CRB1: variants seen among roughly 807,000 people sequenced by gnomAD.
The protein encoded by CRB1 is protein crumbs homolog 1.
CRB1 carries 83 observed loss-of-function variants against 120.0 expected under a neutral mutation model. That is an observed-to-expected ratio of 0.69 (90% confidence interval 0.58 to 0.83). CRB1 has a LOEUF of 0.83. Among genes scored for constraint, CRB1 ranks in the 40% least tolerant of loss-of-function variants. The pLI, the probability that CRB1 is intolerant of heterozygous loss-of-function variation, is 0.00. For synonymous variants in CRB1, 625 were observed against 612.5 expected, an observed-to-expected ratio of 1.02 and a Z score of -0.30; for missense variants, 1,699 against 1,687.6, an observed-to-expected ratio of 1.01 and a Z score of -0.12.
the CRB1 span, among the ~76,000 whole-genome samples, chr1:197,248,691 A>C: frequency 6.6e-6 from 1 of 152,122 alleles, no homozygotes; most frequent in African/African-American, 2.4e-5. Flanking sequence ...AATTGTGTAC[A>C]GTTAGCATTG....
chr1:197,339,634 T>A (rs1023042292), intron 2 of CRB1, among the ~76,000 whole-genome samples: 3 of 152,156 alleles, frequency 2.0e-5, no homozygotes, highest in African/African-American at 7.2e-5. Context: ...CCCTGCCCAC[T>A]GTAAAGAATG....
intron 1 of CRB1, among the ~76,000 whole-genome samples, chr1:197,305,444 T>C (rs1202991978): frequency 1.3e-5 from 2 of 152,058 alleles, no homozygotes; most frequent in Admixed American, 6.6e-5. Flanking sequence ...ATACAATGAA[T>C]TAGAATGTCT....
chr1:197,331,336 G>A (rs777313317), intron 2 of CRB1, among the ~76,000 whole-genome samples: 4 of 152,018 alleles, frequency 2.6e-5, no homozygotes, highest in Non-Finnish European at 5.9e-5. Context: ...TTCACTTTTT[G>A]TATTATTTTA....
intron 5 of CRB1, 55 bp downstream of exon 5, chr1:197,357,068 A>G (rs765042784): frequency 1.9e-5 from 29 of 1,562,858 alleles, no homozygotes; most frequent in African/African-American, 2.7e-5. Flanking sequence ...ATGGCAGACC[A>G]TGGCTTTAAC....
intron 1 of CRB1, among the ~76,000 whole-genome samples, chr1:197,292,885 A>G (rs1006562279): frequency 6.6e-6 from 1 of 152,188 alleles, no homozygotes; most frequent in Non-Finnish European, 1.5e-5. Context: ...AAAACTCTCA[A>G]TAAACTAGGT....
chr1:197,243,601 T>C, the CRB1 span, among the ~76,000 whole-genome samples: 3 of 152,300 alleles, frequency 2.0e-5, no homozygotes, highest in Admixed American at 2.0e-4. Context: ...AATTATCTCG[T>C]CAATTTTAGA....
chr1:197,372,320 G>A (rs1286355667), intron 5 of CRB1, among the ~76,000 whole-genome samples: 3 of 152,094 alleles, frequency 2.0e-5, no homozygotes, highest in Non-Finnish European at 4.4e-5. Flanking sequence ...CCACGTAAGG[G>A]AGCTTAGATT....
At position 197,434,639 on chromosome 1, in the gene CRB1, A is replaced by T. The variant is rs552905479; in HGVS notation, c.2843-67A>T. ...TATTAACACAATGATCATTACTATT[A>T]ATAACGGTAATTAAGCAAACTATAG... On this transcript the variant is annotated intron_variant, in intron 8 of 11. Coordinates refer to ENST00000367400, the MANE Select transcript of CRB1 (RefSeq NM_201253.3). 3.2e-5 allele frequency: 43 copies of T among 1,331,030 alleles called. No individual in the cohort carries two copies. The East Asian group carries it at 9.1e-4, about 28-fold the overall frequency. The allele number at this position is 1,331,030 out of a possible 1,614,324, so 82.5% of individuals were successfully genotyped here.
chr1:197,434,740 T>G lies in CRB1; in HGVS notation c.2877T>G (p.Gly959=). The change falls in exon 9 of 12, where the codon GGT becomes GGG. Residue 959 remains glycine, a synonymous_variant. Coordinates refer to ENST00000367400, the MANE Select transcript of CRB1 (RefSeq NM_201253.3). ...IANAVFNGQS[G]QILFRSNGNI... ...ATGCTGTTTTTAATGGACAAAGCGG[T>G]CAAATATTATTCAGAAGCAATGGGA... 1 of 1,613,546 alleles carries G rather than the reference T, an allele frequency of 6.2e-7. No homozygotes were observed. Among genetic ancestry groups the G allele is most frequent in the Non-Finnish European group, 8.5e-7 (1 of 1,179,624 alleles).
At chr1:197,265,046 C>CTT (rs1654601951), upstream of CRB1, among the ~76,000 whole-genome samples, 1 of 152,114 alleles carries the variant, frequency 6.6e-6, no homozygotes, top group African/African-American at 2.4e-5. Context: ...TATCATGAAT[C>CTT]TTTTGAGTGT....
At chr1:197,443,249 G>T (rs935195167) in intron 11 of CRB1, 1 of 151,448 alleles carries the variant, frequency 6.6e-6, no homozygotes, top group Non-Finnish European at 1.5e-5. Context: ...TATATAAAGA[G>T]AAATCAGGAA....
chr1:197,225,806 C>A, the CRB1 span, among the ~76,000 whole-genome samples: 959 of 152,368 alleles, frequency 6.3e-3, 14 homozygotes, highest in African/African-American at 0.022. Context: ...GCATACACAG[C>A]TGTATCTAAT....
chr1:197,246,867 C>A, the CRB1 span, among the ~76,000 whole-genome samples: 1 of 152,032 alleles, frequency 6.6e-6, no homozygotes, highest in African/African-American at 2.4e-5. Context: ...TATTTACTGT[C>A]TGAGCCTTTA....
chr1:197,451,312 G>A (rs1665961850), intron 11 of CRB1, among the ~76,000 whole-genome samples: 1 of 151,998 alleles, frequency 6.6e-6, no homozygotes, highest in African/African-American at 2.4e-5. Flanking sequence ...CAAAATTATG[G>A]GCCAGGTGGA....
At chr1:197,456,659 A>G (rs751220051) in intron 11 of CRB1, among the ~76,000 whole-genome samples, 2 of 152,146 alleles carry the variant, frequency 1.3e-5, no homozygotes, top group Non-Finnish European at 2.9e-5. Context: ...AGAATTTGAT[A>G]TAAATTTACC....
At chr1:197,393,187 A>C (rs1229215293) in intron 5 of CRB1, among the ~76,000 whole-genome samples, 1 of 152,116 alleles carries the variant, frequency 6.6e-6, no homozygotes, top group Non-Finnish European at 1.5e-5. Context: ...GAGGCACAGC[A>C]ATGAATGCAG....
At chr1:197,312,583 A>AAAACAAAC (rs759978278) in intron 1 of CRB1, among the ~76,000 whole-genome samples, 3 of 152,300 alleles carry the variant, frequency 2.0e-5, no homozygotes, top group Middle Eastern at 3.4e-3. Context: ...ACTCCGTCTC[A>AAAACAAAC]AAACAAACAA....
chr1:197,215,978 A>G, the CRB1 span, among the ~76,000 whole-genome samples: 783 of 152,300 alleles, frequency 5.1e-3, 10 homozygotes, highest in African/African-American at 0.018. Flanking sequence ...TTAGATTTAA[A>G]TGTCCTTAAA....
At chr1:197,447,744 G>A (rs1665768686) in intron 11 of CRB1, among the ~76,000 whole-genome samples, 2 of 151,798 alleles carry the variant, frequency 1.3e-5, no homozygotes. Context: ...AGCTACTAAG[G>A]AGGCTGAGGC....
Sources: allele counts gnomAD v4.1 joint callset (sites outside exome capture counted in the v4.1 genomes callset), GRCh38; gene constraint gnomAD v4.1.1; transcripts MANE v1.5; gene names NCBI Gene and HGNC (gene_info 2026-07-23, HGNC 2026-07-21).